ZFPM2: variants seen among roughly 807,000 people sequenced by gnomAD.
ZFPM2 encodes zinc finger protein, FOG family member 2.
A neutral mutation model predicts 98.6 loss-of-function variants in ZFPM2; 20 were observed. The observed-to-expected ratio is 0.20, with a 90% CI of 0.14 to 0.29. ZFPM2 has a LOEUF of 0.29. ZFPM2 is among the 10% of genes least tolerant of loss of function. The pLI is 1.00. For synonymous variants in ZFPM2, 518 were observed against 502.7 expected (o/e 1.03, Z -0.41); for missense variants, 1,310 against 1,388.6 (o/e 0.94, Z 0.90).
chr8:105,743,039 T>C (rs554341561), intron 5 of ZFPM2, among the ~76,000 whole-genome samples: 1 of 152,172 alleles, frequency 6.6e-6, no homozygotes, highest in South Asian at 2.1e-4. Context: ...CAAGCAGTGA[T>C]AGTATGGTAA....
chr8:105,542,829 A>G (rs1814608983), intron 3 of ZFPM2, among the ~76,000 whole-genome samples: 2 of 152,208 alleles, frequency 1.3e-5, no homozygotes, highest in African/African-American at 2.4e-5. Context: ...GTGGTATAAT[A>G]TCACAACCAA....
intron 5 of ZFPM2, among the ~76,000 whole-genome samples, chr8:105,685,217 TC>T (rs1315243909): frequency 1.3e-5 from 2 of 152,084 alleles, no homozygotes; most frequent in African/African-American, 2.4e-5. Context: ...TGACATGTGG[TC>T]AATCAGATTA....
chr8:105,413,269 T>C (rs538276608), intron 1 of ZFPM2, among the ~76,000 whole-genome samples: 32 of 151,960 alleles, frequency 2.1e-4, no homozygotes, highest in African/African-American at 7.2e-4. Context: ...TTTCATCACA[T>C]AGAATATGTA....
chr8:105,611,983 G>A (rs1430361935), intron 4 of ZFPM2, among the ~76,000 whole-genome samples: 5 of 152,032 alleles, frequency 3.3e-5, no homozygotes, highest in Admixed American at 6.6e-5. Context: ...ACAGGCATGA[G>A]CCACCACGCC....
chr8:105,409,641 T>C (rs1200050378), intron 1 of ZFPM2, among the ~76,000 whole-genome samples: 1 of 151,918 alleles, frequency 6.6e-6, no homozygotes, highest in African/African-American at 2.4e-5. Context: ...TTGTATTAAA[T>C]GACAATAGTG....
At chr8:105,572,677 G>T (rs2130724273) in intron 4 of ZFPM2, among the ~76,000 whole-genome samples, 1 of 151,906 alleles carries the variant, frequency 6.6e-6, no homozygotes, top group African/African-American at 2.4e-5. Context: ...ATGTTGGTCA[G>T]GCTGGTCTCG....
chr8:105,420,080 A>G (rs1419021618), intron 2 of ZFPM2, among the ~76,000 whole-genome samples: 3 of 152,100 alleles, frequency 2.0e-5, no homozygotes, highest in African/African-American at 4.8e-5. Flanking sequence ...TGCTTGGATC[A>G]CTTTCTTGGT....
intron 3 of ZFPM2, among the ~76,000 whole-genome samples, chr8:105,524,947 G>A (rs755976124): frequency 7.2e-5 from 11 of 151,882 alleles, no homozygotes; most frequent in Admixed American, 2.6e-4. Context: ...TGTTCTTTTC[G>A]TCTCGCTGAT....
chr8:105,711,955 C>T (rs1811411492), intron 5 of ZFPM2, among the ~76,000 whole-genome samples: 1 of 151,926 alleles, frequency 6.6e-6, no homozygotes, highest in Admixed American at 6.6e-5. Flanking sequence ...CTTAACCCAC[C>T]TGAAACTTGA....
chr8:105,368,819 A>G (rs770359154), intron 1 of ZFPM2, among the ~76,000 whole-genome samples: 50 of 152,180 alleles, frequency 3.3e-4, no homozygotes, highest in Non-Finnish European at 6.0e-4. Flanking sequence ...TGCCTGGTGC[A>G]TAATAGCTGC....
At chr8:105,783,199 G>A (rs1269825261) in intron 5 of ZFPM2, among the ~76,000 whole-genome samples, 1 of 74,590 alleles carries the variant, frequency 1.3e-5, no homozygotes, top group African/African-American at 4.9e-5. Context: ...TATCCCTTGT[G>A]TTTCTTTATG....
At chr8:105,556,448 A>G (rs1030366339) in intron 3 of ZFPM2, among the ~76,000 whole-genome samples, 2 of 152,196 alleles carry the variant, frequency 1.3e-5, no homozygotes, top group Non-Finnish European at 1.5e-5. Flanking sequence ...CCTCACAGCA[A>G]CCTTTTTAGA....
chr8:105,542,612 T>C (rs1415978631), intron 3 of ZFPM2, among the ~76,000 whole-genome samples: 4 of 152,186 alleles, frequency 2.6e-5, no homozygotes, highest in Non-Finnish European at 5.9e-5. Context: ...ACTTTTTGTA[T>C]CCACAGGTTC....
At chr8:105,666,084 C>T (rs1389479961) in intron 5 of ZFPM2, among the ~76,000 whole-genome samples, 1 of 151,974 alleles carries the variant, frequency 6.6e-6, no homozygotes, top group East Asian at 1.9e-4. Context: ...TTTGAATCAT[C>T]AATCTTTGCA....
intron 3 of ZFPM2, among the ~76,000 whole-genome samples, chr8:105,545,469 A>G (rs377406247): frequency 6.6e-6 from 1 of 152,200 alleles, no homozygotes; most frequent in South Asian, 2.1e-4. Flanking sequence ...AAAGTGTTCT[A>G]TTGAGTTAGA....
chr8:105,557,049 A>G (rs933146246), intron 3 of ZFPM2, among the ~76,000 whole-genome samples: 3 of 151,810 alleles, frequency 2.0e-5, no homozygotes, highest in Admixed American at 2.0e-4. Context: ...ACTTTCATAA[A>G]TTTTCAGATT....
intron 5 of ZFPM2, among the ~76,000 whole-genome samples, chr8:105,732,953 C>T (rs919793151): frequency 6.6e-6 from 1 of 151,702 alleles, no homozygotes; most frequent in African/African-American, 2.4e-5. Flanking sequence ...TTAAAGGCAG[C>T]CTTATAAAAC....
intron 1 of ZFPM2, among the ~76,000 whole-genome samples, chr8:105,337,872 T>G (rs966991956): frequency 6.6e-6 from 1 of 151,682 alleles, no homozygotes; most frequent in African/African-American, 2.4e-5. Context: ...CAACTTCACA[T>G]AAATGTAGAT....
intron 3 of ZFPM2, among the ~76,000 whole-genome samples, chr8:105,522,707 G>T (rs1423253095): frequency 1.8e-4 from 27 of 151,548 alleles, no homozygotes; most frequent in Admixed American, 1.7e-3. Flanking sequence ...GGAGGTGGAG[G>T]TTGTGCCACT....
Sources: allele counts gnomAD v4.1 joint callset (sites outside exome capture counted in the v4.1 genomes callset), GRCh38; gene constraint gnomAD v4.1.1; transcripts MANE v1.5; gene names NCBI Gene and HGNC (gene_info 2026-07-23, HGNC 2026-07-21).